Variants in HS1BP3 observed in about 807,000 individuals in gnomAD.
HS1BP3 encodes the protein HCLS1-binding protein 3.
In HS1BP3, 32 loss-of-function variants were observed where a neutral mutation model predicts 33.5. That is an observed-to-expected ratio of 0.95 (90% CI 0.72 to 1.28). HS1BP3 has a LOEUF of 1.28. Among genes scored for constraint, HS1BP3 ranks in the 50% most tolerant of loss-of-function variants. HS1BP3 has a pLI of 0.00. For missense variants in HS1BP3, 486 were observed against 502.3 expected, an observed-to-expected ratio of 0.97 and a Z score of 0.31; for synonymous variants, 187 against 209.2, an observed-to-expected ratio of 0.89 and a Z score of 0.92.
At chr2:20,592,550 G>A (rs1693842731), downstream of HS1BP3, 1 of 164,658 alleles carries the variant, frequency 6.1e-6, no homozygotes, top group Admixed American at 6.5e-5. Context: ...TTCCCATCAG[G>A]ATCAGTTTCC....
In HS1BP3 at chr2:20,584,215, C is replaced by T. The variant is rs956231751; in HGVS notation, c.303-23700G>A. On this transcript the variant is annotated intron_variant, in intron 5 of 5. Coordinates refer to the HS1BP3 transcript ENST00000446825. ...TCCTGGTGCTGCTTCTAGAAAGCAG[C>T]CAGTTTCCCAGAGGCTGTGCTGGGG... Among the ~76,000 whole-genome samples, 54 of 152,192 alleles carry T rather than the reference C, an allele frequency of 3.5e-4. 1 individual carries two copies. The highest frequency in any genetic ancestry group is 1.3e-3 in the African/African-American group (53 of 41,448).
intron 5 of HS1BP3, among the ~76,000 whole-genome samples, chr2:20,565,682 G>A (rs1693108629): frequency 6.6e-6 from 1 of 152,234 alleles, no homozygotes. Flanking sequence ...TCATCCCACT[G>A]GAAGATGAAT....
intron 5 of HS1BP3, among the ~76,000 whole-genome samples, chr2:20,575,380 G>A (rs1227396349): frequency 6.6e-6 from 1 of 152,172 alleles, no homozygotes; most frequent in Non-Finnish European, 1.5e-5. Flanking sequence ...AAGCCTCCTG[G>A]GCTTATTTCA....
At chr2:20,608,987 A>C (rs997039905) in intron 2 of HS1BP3, among the ~76,000 whole-genome samples, 2 of 152,222 alleles carry the variant, frequency 1.3e-5, no homozygotes, top group Non-Finnish European at 2.9e-5. Flanking sequence ...CTAAGAGGTC[A>C]GGCTTGCTGA....
the HS1BP3 span, among the ~76,000 whole-genome samples, chr2:20,554,762 A>G: frequency 6.6e-6 from 1 of 150,900 alleles, no homozygotes; most frequent in South Asian, 2.1e-4. Context: ...TGTCTTCCCT[A>G]TATGAAGTGA....
chr2:20,584,886 G>A (rs1693642625), intron 5 of HS1BP3, among the ~76,000 whole-genome samples: 7 of 152,192 alleles, frequency 4.6e-5, no homozygotes, highest in Admixed American at 4.6e-4. Flanking sequence ...TGCAGTGTGT[G>A]GGCCACAGAG....
chr2:20,640,860 T>C (rs753762679), intron 3 of HS1BP3, 113 bp downstream of exon 3: 9 of 1,062,258 alleles, frequency 8.5e-6, no homozygotes, highest in Admixed American at 2.0e-5. Flanking sequence ...CCAGCCTGGC[T>C]GAAGCCTCCA....
chr2:20,621,373 A>T (rs1481175817), intron 6 of HS1BP3, among the ~76,000 whole-genome samples: 1 of 152,272 alleles, frequency 6.6e-6, no homozygotes, highest in Non-Finnish European at 1.5e-5. Context: ...ATGGCAGAGA[A>T]ATGAATAAAA....
intron 5 of HS1BP3, among the ~76,000 whole-genome samples, chr2:20,577,941 C>T (rs1298966648): frequency 2.0e-5 from 3 of 152,236 alleles, no homozygotes; most frequent in East Asian, 3.9e-4. Context: ...GCACTCGTTC[C>T]TCAAGCCTGT....
intron 2 of HS1BP3, among the ~76,000 whole-genome samples, chr2:20,643,213 C>T (rs980354295): frequency 3.9e-5 from 6 of 152,128 alleles, no homozygotes; most frequent in East Asian, 1.9e-4. Flanking sequence ...GAGGAGTGGG[C>T]GTCACTGCCT....
At chr2:20,558,279 G>T (rs1456052817), downstream of HS1BP3, among the ~76,000 whole-genome samples, 1 of 152,184 alleles carries the variant, frequency 6.6e-6, no homozygotes, top group African/African-American at 2.4e-5. Flanking sequence ...GTAATGGAAG[G>T]GGTCGCCAGA....
At chr2:20,587,329 G>A (rs1263494695) in intron 5 of HS1BP3, among the ~76,000 whole-genome samples, 1 of 152,204 alleles carries the variant, frequency 6.6e-6, no homozygotes, top group Non-Finnish European at 1.5e-5. Flanking sequence ...CATGTATAGA[G>A]GAATGAATGA....
At chr2:20,634,766 G>T (rs1362146794) in intron 4 of HS1BP3, 1 of 152,200 alleles carries the variant, frequency 6.6e-6, no homozygotes, top group Admixed American at 6.5e-5. Flanking sequence ...AATACATGTG[G>T]TTGTTTTATG....
downstream of HS1BP3, among the ~76,000 whole-genome samples, chr2:20,591,509 A>T (rs2149279232): frequency 1.3e-5 from 2 of 152,270 alleles, 1 homozygote; most frequent in South Asian, 4.1e-4. Flanking sequence ...TTATTGTCAA[A>T]GTTCTGGCCA....
intron 5 of HS1BP3, among the ~76,000 whole-genome samples, chr2:20,583,036 C>G (rs1231390153): frequency 6.6e-6 from 1 of 152,212 alleles, no homozygotes; most frequent in South Asian, 2.1e-4. Context: ...AGAGCCCAAG[C>G]CCACCCTCCA....
chr2:20,572,834 T>C (rs1358696466), intron 5 of HS1BP3, among the ~76,000 whole-genome samples: 3 of 152,144 alleles, frequency 2.0e-5, no homozygotes, highest in Non-Finnish European at 4.4e-5. Context: ...TGGCCCCTGC[T>C]CCAGGGCTGC....
the HS1BP3 span, among the ~76,000 whole-genome samples, chr2:20,555,439 A>G: frequency 6.6e-6 from 1 of 152,220 alleles, no homozygotes; most frequent in East Asian, 1.9e-4. Context: ...GGCCCTTCTC[A>G]GAGTAAGGCC....
chr2:20,592,148 TG>T (rs11293301), downstream of HS1BP3, among the ~76,000 whole-genome samples: 152,264 of 152,264 alleles, frequency 1, 76,132 homozygotes, highest in Non-Finnish European at 1. Flanking sequence ...CGTGCCCTGC[TG>T]CTGCAACCCC....
chr2:20,589,602 T>C (rs1227028559), downstream of HS1BP3, among the ~76,000 whole-genome samples: 2 of 152,152 alleles, frequency 1.3e-5, no homozygotes, highest in African/African-American at 4.8e-5. Context: ...GAAGTTAGCT[T>C]GTTAGCTCTA....
Sources: allele counts gnomAD v4.1 joint callset (sites outside exome capture counted in the v4.1 genomes callset), GRCh38; gene constraint gnomAD v4.1.1; transcripts MANE v1.5; gene names NCBI Gene and HGNC (gene_info 2026-07-23, HGNC 2026-07-21).